TIAM2: variants seen among roughly 807,000 people sequenced by gnomAD.
The protein encoded by TIAM2 is TIAM Rac1 associated GEF 2.
In TIAM2, 80 loss-of-function variants were observed where a neutral mutation model predicts 152.9. The ratio of observed to expected loss-of-function variants is 0.52; its 90% CI spans 0.44 to 0.63. TIAM2 has a LOEUF of 0.63. Ranked by LOEUF, TIAM2 falls within the 30% of genes least tolerant of loss-of-function variation. TIAM2 has a pLI of 0.00. For synonymous variants in TIAM2, 804 were observed against 838.0 expected, an observed-to-expected ratio of 0.96 and a Z score of 0.70; for missense variants, 1,965 against 2,120.1, an observed-to-expected ratio of 0.93 and a Z score of 1.44.
chr6:155,091,260 C>T (rs978192552), intron 2 of TIAM2, among the ~76,000 whole-genome samples: 4 of 152,140 alleles, frequency 2.6e-5, no homozygotes, highest in Non-Finnish European at 4.4e-5. Context: ...CCTCACTGAT[C>T]GTTTTCTCCT....
chr6:155,240,818 G>GT lies in TIAM2; in HGVS notation c.3348+109_3348+110insT. 6.3e-6 allele frequency: 7 copies of GT among 1,117,252 alleles called. 1 individual carries two copies. In the African/African-American group the frequency reaches 1.1e-4, roughly 17 times the overall value. 69.2% of individuals were successfully genotyped at this position (1,117,252 alleles called of 1,614,324 possible). A position where few individuals can be genotyped will look rare whatever the true frequency, so the allele number is the denominator to read the frequency against. ...TGCCCAGGACACCTGCCACTCCCCAGGGGGGGACACCTGCTCCTTGAATCA... is the reference window on the plus strand; with the variant it reads ...TGCCCAGGACACCTGCCACTCCCCAGTGGGGGGACACCTGCTCCTTGAATCA... On this transcript the variant is annotated intron_variant, in intron 16 of 26. Coordinates refer to ENST00000682666, the MANE Select transcript of TIAM2 (RefSeq NM_012454.4).
In TIAM2 at chr6:155,156,551, G is replaced by A. The variant is rs1201098897; in HGVS notation, c.2029-7864G>A. ...CGCATACCTGTAATCCCAGCTACTC[G>A]GGAGGCTGAGGCAGGAGAATCGCTT... On this transcript the variant is annotated intron_variant, in intron 7 of 26. Coordinates refer to ENST00000682666, the MANE Select transcript of TIAM2 (RefSeq NM_012454.4). The surrounding 1 kb of genome is among the most constrained non-coding windows in gnomAD (Gnocchi z 4.4). Among the ~76,000 whole-genome samples, 5 of 152,052 alleles carry A rather than the reference G, an allele frequency of 3.3e-5. No individual in the cohort carries two copies. The highest frequency in any genetic ancestry group is 5.9e-5 in the Non-Finnish European group (4 of 68,002).
Position 155,130,138 on chromosome 6 carries a change from T to G in TIAM2, c.915T>G (p.Asp305Glu). ...CCTCCCTCCGGGAACTGTACAAAGATGCCAACCTGGGGAGCCTCTCCCCCT... is the reference window on the plus strand; with the variant it reads ...CCTCCCTCCGGGAACTGTACAAAGAGGCCAACCTGGGGAGCCTCTCCCCCT... ...SLSSLRELYK[D>E]ANLGSLSPSG... The change falls in exon 4 of 27, where the codon GAT becomes GAG. Residue 305 changes from aspartate (D) to glutamate (E), a missense_variant. By Grantham distance (45) the Asp-to-Glu change is conservative. Transcript: ENST00000682666. 6.2e-7 allele frequency: 1 copy of G among 1,614,166 alleles called. No individual in the cohort carries two copies. Among genetic ancestry groups the G allele is most frequent in the Non-Finnish European group, 8.5e-7 (1 of 1,180,026 alleles).
Position 155,138,885 on chromosome 6 carries a change from G to T in TIAM2, c.1630+1273G>T, listed in dbSNP as rs146671810. On this transcript the variant is annotated intron_variant, in intron 5 of 26. Transcript: ENST00000682666. ...TTAAACATAAAGGCAATAGAAGTGA[G>T]AATTTGTTTTGTTGACATGAGAAAA... 1.3e-4 allele frequency among the ~76,000 whole-genome samples: 20 copies of T among 152,192 alleles called. 1 individual carries two copies. The East Asian group carries it at 3.9e-3, about 29-fold the overall frequency.
At chr6:155,120,768 AG>A (rs904061697) in intron 2 of TIAM2, among the ~76,000 whole-genome samples, 3 of 152,224 alleles carry the variant, frequency 2.0e-5, no homozygotes, top group African/African-American at 7.2e-5. Flanking sequence ...TACGGGGTTC[AG>A]TAGTATCCCC....
Position 155,218,178 on chromosome 6 carries a change from C to T in TIAM2, c.3168+6871C>T, listed in dbSNP as rs1349481980. Among the ~76,000 whole-genome samples, 1 of 152,166 alleles carries T rather than the reference C, an allele frequency of 6.6e-6. No individual in the cohort carries two copies. Among genetic ancestry groups the T allele is most frequent in the Non-Finnish European group, 1.5e-5 (1 of 68,024 alleles). Reference sequence around the variant, plus strand: ...GTAGTCTTTCTCCATGGTTGCTATTCAATAGATGAATAGAATCATGATCCT... The same window carrying T: ...GTAGTCTTTCTCCATGGTTGCTATTTAATAGATGAATAGAATCATGATCCT... On this transcript the variant is annotated intron_variant, in intron 15 of 26. Transcript: ENST00000682666. The surrounding 1 kb of genome is among the most constrained non-coding windows in gnomAD (Gnocchi z 4.5).
intron 20 of TIAM2, among the ~76,000 whole-genome samples, chr6:155,248,948 T>C (rs980337154): frequency 6.6e-6 from 1 of 152,220 alleles, no homozygotes; most frequent in Non-Finnish European, 1.5e-5. Flanking sequence ...TTTTTTTCCA[T>C]GACAAGCATA....
intron 1 of TIAM2, among the ~76,000 whole-genome samples, chr6:154,998,081 T>C (rs1231613752): frequency 5.3e-5 from 8 of 152,158 alleles, no homozygotes; most frequent in African/African-American, 1.7e-4. Context: ...ACAGATGTCT[T>C]CTCCTTGATT....
At chr6:155,221,140 C>CA (rs796835457) in intron 15 of TIAM2, among the ~76,000 whole-genome samples, 103 of 72,186 alleles carry the variant, frequency 1.4e-3, no homozygotes, top group East Asian at 6.7e-3. Flanking sequence ...AAAAAAAAAA[C>CA]AAAAAAAAAC....
chr6:155,250,287 T>C (rs1344190699), intron 21 of TIAM2, among the ~76,000 whole-genome samples: 23 of 140,654 alleles, frequency 1.6e-4, no homozygotes, highest in Admixed American at 1.6e-3. Context: ...CTTTTTGATT[T>C]TGCCTTTTTT....
chr6:155,048,238 C>T (rs1375564991), intron 1 of TIAM2, among the ~76,000 whole-genome samples: 1 of 152,014 alleles, frequency 6.6e-6, no homozygotes, highest in African/African-American at 2.4e-5. Context: ...CAGGTGTGAG[C>T]CACTGTTCCT....
Position 155,137,217 on chromosome 6 carries a change from G to A in TIAM2, c.1235G>A (p.Arg412His), listed in dbSNP as rs150641606. The A allele has an allele frequency of 5.7e-4, 928 of 1,614,012 alleles. 3 individuals carry two copies. The highest frequency in any genetic ancestry group is 1.3e-3 in the South Asian group (116 of 91,078). Residue 412 changes from arginine (R) to histidine (H), a missense_variant, in exon 5 of 27, where the codon CGC becomes CAC. By Grantham distance (29) the Arg-to-His change is conservative. Around this residue, in one of 3 missense-constraint regions of TIAM2, gnomAD observed 1,025 missense variants for 1,119.4 expected, o/e 0.92. Coordinates refer to ENST00000682666, the MANE Select transcript of TIAM2 (RefSeq NM_012454.4). The part of the protein sequence containing the change: ...SKEGSDYFDS[R>H]SDGLNTDVQG... ...GAGGGCAGTGACTACTTTGACAGTC[G>A]CTCTGATGGACTGAATACAGATGTG...
chr6:155,173,838 G>A (rs1780697386), intron 9 of TIAM2, among the ~76,000 whole-genome samples: 1 of 152,232 alleles, frequency 6.6e-6, no homozygotes, highest in South Asian at 2.1e-4. Context: ...GAGAGGACTT[G>A]AGGGCAGAGA....
intron 14 of TIAM2, among the ~76,000 whole-genome samples, chr6:155,190,404 C>T (rs992301995): frequency 4.6e-5 from 7 of 152,300 alleles, no homozygotes; most frequent in Non-Finnish European, 7.3e-5. Context: ...ACTGGGAAGC[C>T]GTCTCCACTA....
chr6:155,086,112 G>T (rs536499106), intron 1 of TIAM2, among the ~76,000 whole-genome samples: 54 of 152,324 alleles, frequency 3.5e-4, no homozygotes, highest in African/African-American at 1.2e-3. Flanking sequence ...GCTCAGGGAA[G>T]CTTCATTGTT....
At position 155,029,489 on chromosome 6, in the gene TIAM2, AG is replaced by A. The variant is rs1562295224; in HGVS notation, c.-209+33998del. On this transcript the variant is annotated intron_variant, in intron 1 of 26. Transcript: ENST00000682666. ...ATATATACTATAGTATATATACTAT[AG>A]TATATATTATATATAATATATACTA... is the stretch of plus-strand genomic sequence containing the variant. 3.0e-4 allele frequency among the ~76,000 whole-genome samples: 9 copies of A among 29,580 alleles called. 1 individual carries two copies. Among genetic ancestry groups the A allele is most frequent in the African/African-American group, 1.3e-3 (6 of 4,476 alleles). The allele number at this position is 29,580 out of a possible 152,430, so 19.4% of individuals were successfully genotyped here.
Position 155,137,250 on chromosome 6 carries a change from C to A in TIAM2, c.1268C>A (p.Ser423Tyr). The stretch of plus-strand genomic sequence containing the variant: ...GGACTGAATACAGATGTGCAGGGAT[C>A]CTCCCAGGCATCTGCTTTTCTGTGG... ...SDGLNTDVQG[S>Y]SQASAFLWSG... is the part of the protein sequence containing the mutation. The change falls in exon 5 of 27, where the codon TCC (serine) becomes TAC (tyrosine). Residue 423 changes from serine (S) to tyrosine (Y), a missense_variant. Coordinates refer to ENST00000682666, the MANE Select transcript of TIAM2 (RefSeq NM_012454.4). The A allele has an allele frequency of 6.2e-7, 1 of 1,614,178 alleles. No homozygotes were observed. The highest frequency in any genetic ancestry group is 1.1e-5 in the South Asian group (1 of 91,080).
chr6:155,145,475 CATG>C (rs1272673641), intron 6 of TIAM2, among the ~76,000 whole-genome samples: 1 of 152,114 alleles, frequency 6.6e-6, no homozygotes, highest in Non-Finnish European at 1.5e-5. Flanking sequence ...TAGTGGCTTA[CATG>C]ATTGCCGTAA....
At chr6:155,083,218 G>A (rs975416720) in intron 1 of TIAM2, among the ~76,000 whole-genome samples, 2 of 151,854 alleles carry the variant, frequency 1.3e-5, no homozygotes, top group East Asian at 1.9e-4. Context: ...GGATGGTGGC[G>A]TGCACCTGTA....
Sources: allele counts gnomAD v4.1 joint callset (sites outside exome capture counted in the v4.1 genomes callset), GRCh38; gene constraint gnomAD v4.1.1; regional missense constraint gnomAD v4.1.1; non-coding constraint Gnocchi (gnomAD v3.1); transcripts MANE v1.5; gene names NCBI Gene and HGNC (gene_info 2026-07-23, HGNC 2026-07-21).